Variants in PLEKHA6 observed in about 807,000 individuals in gnomAD.
PLEKHA6 encodes the protein pleckstrin homology domain-containing family A member 6.
In PLEKHA6, 60 loss-of-function variants were observed where a neutral mutation model predicts 116.7. The ratio of observed to expected loss-of-function variants is 0.51; its 90% CI spans 0.42 to 0.64. The LOEUF (loss-of-function observed/expected upper bound fraction) is 0.64, where lower values mean the gene tolerates loss of function less well. Ranked by LOEUF, PLEKHA6 falls within the 30% of genes least tolerant of loss-of-function variation. The pLI, the probability that PLEKHA6 is intolerant of heterozygous loss-of-function variation, is 0.00. For missense variants in PLEKHA6, 1,338 were observed against 1,422.7 expected, an observed-to-expected ratio of 0.94 and a Z score of 0.96; for synonymous variants, 489 against 556.1, an observed-to-expected ratio of 0.88 and a Z score of 1.70.
At chr1:204,287,263 A>C (rs1669295415) in intron 1 of PLEKHA6, among the ~76,000 whole-genome samples, 1 of 148,386 alleles carries the variant, frequency 6.7e-6, no homozygotes, top group South Asian at 2.1e-4. Flanking sequence ...TCACGTGGGC[A>C]TTCATGAGTA....
intron 9 of PLEKHA6, chr1:204,256,870 T>C: frequency 1.5e-6 from 1 of 659,256 alleles, no homozygotes; most frequent in Non-Finnish European, 2.7e-6. Flanking sequence ...ACTGGCCGCC[T>C]GTCTCCCAGG....
At chr1:204,355,375 CAT>C (rs1416714201) in intron 1 of PLEKHA6, among the ~76,000 whole-genome samples, 1 of 152,216 alleles carries the variant, frequency 6.6e-6, no homozygotes, top group Non-Finnish European at 1.5e-5. Flanking sequence ...CTGTTAGCAT[CAT>C]ATCACTGGTA....
At chr1:204,351,012 T>C (rs1192755964) in intron 1 of PLEKHA6, among the ~76,000 whole-genome samples, 1 of 152,118 alleles carries the variant, frequency 6.6e-6, no homozygotes, top group African/African-American at 2.4e-5. Flanking sequence ...TTCCCCCAGC[T>C]CACCACCCTC....
At position 204,297,712 on chromosome 1, in the gene PLEKHA6, C is replaced by T. The variant is rs138514419; in HGVS notation, c.-94-22903G>A. ...CCTAAAACGATGCCTGTTACACGTT[C>T]GTGGTTATCATTGTCTCAACCCCCC... On this transcript the variant is annotated intron_variant, in intron 1 of 22. Coordinates refer to ENST00000272203, the MANE Select transcript of PLEKHA6 (RefSeq NM_014935.5). 1.5e-3 allele frequency: 244 copies of T among 165,894 alleles called. 2 individuals carry two copies. The highest frequency in any genetic ancestry group is 3.5e-3 in the African/African-American group (148 of 41,806). 10.3% of individuals were successfully genotyped at this position (165,894 alleles called of 1,614,324 possible).
At chr1:204,282,763 G>C in intron 1 of PLEKHA6, 3 of 985,342 alleles carry the variant, frequency 3.0e-6, no homozygotes, top group Non-Finnish European at 3.6e-6. Context: ...GGGCAATCCA[G>C]CTCCCTGGAG....
chr1:204,258,507 A>C (rs1665656632), intron 8 of PLEKHA6, among the ~76,000 whole-genome samples: 1 of 152,212 alleles, frequency 6.6e-6, no homozygotes. Flanking sequence ...TCCCCAGAGC[A>C]GGCCTGATGC....
Position 204,259,578 on chromosome 1 carries a change from C to G in PLEKHA6, c.687G>C (p.Lys229Asn), listed in dbSNP as rs755512172. ...CATTGGCTTTCACCGGAGGCTCTTT[C>G]TTGACTTCTGGCCTCTCAGGCCTTC... Reference protein sequence around the residue: ...AERRPERPEVKKEPPVKANGL... With the variant: ...AERRPERPEVNKEPPVKANGL... The change falls in exon 8 of 23, where the codon AAG (lysine) becomes AAC (asparagine). Residue 229 changes from lysine (K) to asparagine (N), a missense_variant. Physicochemically the swap from Lys to Asn is moderately conservative, Grantham distance 94. This residue lies in a region of PLEKHA6 where 1,136 missense variants were observed against 1,163.6 expected (regional missense o/e 0.98). Coordinates refer to ENST00000272203, the MANE Select transcript of PLEKHA6 (RefSeq NM_014935.5). The surrounding 1 kb of genome is among the most constrained non-coding windows in gnomAD (Gnocchi z 4.6). 1 of 1,614,092 alleles carries G rather than the reference C, an allele frequency of 6.2e-7. No individual in the cohort carries two copies. Among genetic ancestry groups the G allele is most frequent in the Non-Finnish European group, 8.5e-7 (1 of 1,180,046 alleles).
intron 1 of PLEKHA6, among the ~76,000 whole-genome samples, chr1:204,375,996 A>G (rs1673863170): frequency 6.6e-6 from 1 of 151,542 alleles, no homozygotes; most frequent in South Asian, 2.1e-4. Context: ...CCTGGAGAGC[A>G]TTAGTTCTTT....
rs57417255 is a variant in PLEKHA6, at chr1:204,337,342, G to T, written c.-95+22352C>A. On this transcript the variant is annotated intron_variant, in intron 1 of 22. Transcript: ENST00000272203. ...AATCAGGAAGCAAAAGACATAAATT[G>T]TAGCTCTCCCCAGCTCTACCAAGCA... 5.8e-3 allele frequency among the ~76,000 whole-genome samples: 876 copies of T among 152,160 alleles called. 9 individuals are homozygous for T. Among genetic ancestry groups the T allele is most frequent in the African/African-American group, 0.019 (797 of 41,466 alleles).
intron 3 of PLEKHA6, among the ~76,000 whole-genome samples, chr1:204,273,144 T>G (rs76341193): frequency 0.1 from 15,772 of 152,188 alleles, 939 homozygotes; most frequent in Middle Eastern, 0.23. Flanking sequence ...CTCTCTTCCT[T>G]CCTTCCCCCT....
intron 6 of PLEKHA6, among the ~76,000 whole-genome samples, chr1:204,263,671 C>T (rs948153653): frequency 2.6e-5 from 4 of 152,112 alleles, no homozygotes; most frequent in African/African-American, 7.2e-5. Flanking sequence ...GGCAGAGCTC[C>T]GAGCTGGAAC....
chr1:204,232,482 C>G (rs6681723), intron 17 of PLEKHA6, among the ~76,000 whole-genome samples: 1 of 151,744 alleles, frequency 6.6e-6, no homozygotes, highest in Non-Finnish European at 1.5e-5. Context: ...CCAGAAGAAG[C>G]CAGAAATAGA....
intron 1 of PLEKHA6, among the ~76,000 whole-genome samples, chr1:204,326,755 G>A (rs1432005044): frequency 6.6e-6 from 1 of 152,172 alleles, no homozygotes; most frequent in Non-Finnish European, 1.5e-5. Context: ...TCCTTGGTTG[G>A]TTGGTTCATT....
intron 1 of PLEKHA6, among the ~76,000 whole-genome samples, chr1:204,359,366 GT>G (rs1673504226): frequency 6.6e-6 from 1 of 152,134 alleles, no homozygotes; most frequent in African/African-American, 2.4e-5. Context: ...GCTAGCTTGC[GT>G]GGGGGACCCC....
rs1461261226 is a variant in PLEKHA6, at chr1:204,251,819, G to A, written c.1525-1205C>T. 7.2e-5 allele frequency among the ~76,000 whole-genome samples: 11 copies of A among 152,280 alleles called. 1 individual carries two copies. The highest frequency in any genetic ancestry group is 5.8e-4 in the East Asian group (3 of 5,172). On this transcript the variant is annotated intron_variant, in intron 9 of 22. Coordinates refer to ENST00000272203, the MANE Select transcript of PLEKHA6 (RefSeq NM_014935.5). ...TTGCAGAAAGGCCACAGAAGGGGCCGGGAGGCCACTGGGACCTTGCTGGAG... is the reference window on the plus strand; with the variant it reads ...TTGCAGAAAGGCCACAGAAGGGGCCAGGAGGCCACTGGGACCTTGCTGGAG...
chr1:204,341,343 G>A (rs867052149), intron 1 of PLEKHA6, among the ~76,000 whole-genome samples: 1 of 152,206 alleles, frequency 6.6e-6, no homozygotes, highest in African/African-American at 2.4e-5. Flanking sequence ...ATCTGTGGGG[G>A]AAAGGGTAGG....
At chr1:204,314,549 A>G (rs550693919) in intron 1 of PLEKHA6, among the ~76,000 whole-genome samples, 1 of 152,190 alleles carries the variant, frequency 6.6e-6, no homozygotes, top group Non-Finnish European at 1.5e-5. Flanking sequence ...AGGAGACTGG[A>G]GGGGAATAGA....
chr1:204,236,564 G>T (rs909809320), intron 17 of PLEKHA6, among the ~76,000 whole-genome samples: 4 of 152,118 alleles, frequency 2.6e-5, no homozygotes, highest in African/African-American at 9.7e-5. Flanking sequence ...AAATACAATG[G>T]GAATAATTGG....
At chr1:204,251,381 G>A (rs1049439855) in intron 9 of PLEKHA6, 45 of 566,300 alleles carry the variant, frequency 7.9e-5, no homozygotes, top group Non-Finnish European at 7.3e-5. Context: ...GTGACATAGT[G>A]GAATTAAGGA....
Sources: gnomAD v4.1 joint callset for allele counts (sites outside exome capture counted in the v4.1 genomes callset) on GRCh38, gnomAD v4.1.1 for gene constraint, gnomAD v4.1.1 regional missense constraint, Gnocchi (gnomAD v3.1) non-coding constraint, MANE v1.5 for transcripts, NCBI Gene and HGNC (gene_info 2026-07-23, HGNC 2026-07-21) for gene names.